The following DPT variants were observed in gnomAD, a reference collection of about 807,000 sequenced individuals.
DPT encodes dermatopontin.
DPT carries 21 observed loss-of-function variants against 31.2 expected under a neutral mutation model. That is an observed-to-expected ratio of 0.67 (90% CI 0.48 to 0.97). DPT has a LOEUF of 0.97. DPT is among the 50% of genes least tolerant of loss of function. The probability of loss-of-function intolerance (pLI) is 0.00; values close to 1 mark genes in which losing one functional copy is unlikely to be tolerated. For synonymous variants in DPT, 91 were observed against 86.9 expected, an observed-to-expected ratio of 1.05 and a Z score of -0.26; for missense variants, 262 against 258.8, an observed-to-expected ratio of 1.01 and a Z score of -0.08.
chr1:168,712,511 C>G (rs1272420885), intron 2 of DPT, among the ~76,000 whole-genome samples: 1 of 152,166 alleles, frequency 6.6e-6, no homozygotes, highest in African/African-American at 2.4e-5. Context: ...TACATTTTAA[C>G]TGGCTTTTAA....
At chr1:168,723,450 T>C (rs1650166862) in intron 1 of DPT, among the ~76,000 whole-genome samples, 1 of 152,234 alleles carries the variant, frequency 6.6e-6, no homozygotes, top group South Asian at 2.1e-4. Flanking sequence ...AATAAGCATT[T>C]GGTAGTGAAT....
chr1:168,715,790 C>G (rs1212926969), intron 1 of DPT, among the ~76,000 whole-genome samples: 2 of 152,188 alleles, frequency 1.3e-5, no homozygotes, highest in African/African-American at 4.8e-5. Flanking sequence ...AGCATGAGCT[C>G]TTTCACAAAC....
intron 2 of DPT, among the ~76,000 whole-genome samples, chr1:168,701,812 A>C (rs1286597839): frequency 1.3e-5 from 2 of 152,242 alleles, no homozygotes; most frequent in Non-Finnish European, 2.9e-5. Flanking sequence ...GCCTGGGGAA[A>C]GTCAATGAAT....
chr1:168,726,873 C>T (rs1157568373), intron 1 of DPT, among the ~76,000 whole-genome samples: 1 of 152,250 alleles, frequency 6.6e-6, no homozygotes. Context: ...TAAATCTGCT[C>T]ACCAGAGGCC....
chr1:168,719,132 G>A (rs2101909773), intron 1 of DPT, among the ~76,000 whole-genome samples: 1 of 152,310 alleles, frequency 6.6e-6, no homozygotes, highest in Non-Finnish European at 1.5e-5. Flanking sequence ...ATTGGAGGCA[G>A]AATTGACTTT....
intron 1 of DPT, among the ~76,000 whole-genome samples, chr1:168,722,885 A>C (rs1188431932): frequency 1.4e-5 from 2 of 147,510 alleles, no homozygotes; most frequent in East Asian, 4.2e-4. Flanking sequence ...CACACACACG[A>C]TATCTTAACT....
intron 1 of DPT, among the ~76,000 whole-genome samples, chr1:168,717,635 C>T (rs567216560): frequency 3.4e-4 from 52 of 152,188 alleles, no homozygotes; most frequent in Non-Finnish European, 5.9e-5. Context: ...TTTGTCCATG[C>T]CTGTGTCCTG....
chr1:168,726,570 A>G (rs1015453565), intron 1 of DPT, among the ~76,000 whole-genome samples: 2 of 152,224 alleles, frequency 1.3e-5, no homozygotes, highest in African/African-American at 4.8e-5. Context: ...ACAAGTCATT[A>G]GAACCAGGAT....
At chr1:168,721,425 A>G (rs962073815) in intron 1 of DPT, among the ~76,000 whole-genome samples, 1 of 152,228 alleles carries the variant, frequency 6.6e-6, no homozygotes, top group East Asian at 1.9e-4. Flanking sequence ...GGGAAGTCAT[A>G]GTTATTACTA....
intron 3 of DPT, among the ~76,000 whole-genome samples, chr1:168,697,752 C>A (rs1211447011): frequency 2.6e-5 from 4 of 152,134 alleles, no homozygotes; most frequent in African/African-American, 4.8e-5. Context: ...ATCCTCACAA[C>A]GATTCATTGT....
intron 3 of DPT, 53 bp downstream of exon 3, chr1:168,700,964 T>G: frequency 8.1e-7 from 1 of 1,231,898 alleles, no homozygotes; most frequent in Non-Finnish European, 1.2e-6. Flanking sequence ...TTGCAGGGAG[T>G]TAGTCCCAAC....
intron 2 of DPT, among the ~76,000 whole-genome samples, chr1:168,706,734 G>A (rs560968909): frequency 6.6e-6 from 1 of 152,162 alleles, no homozygotes; most frequent in African/African-American, 2.4e-5. Flanking sequence ...ACAACACGAG[G>A]GAATAACAGT....
rs946774440 is a variant in DPT, at chr1:168,711,049, C to T, written c.431+3172G>A. On this transcript the variant is annotated intron_variant, in intron 2 of 3. Coordinates refer to ENST00000367817, the MANE Select transcript of DPT (RefSeq NM_001937.5). The stretch of plus-strand genomic sequence containing the variant: ...TTTTTGAGTCAGAGTCTTGCTCTGT[C>T]GCCCAGGCTGGAGTGCAGTGGCGTG... Among the ~76,000 whole-genome samples the T allele has an allele frequency of 4.7e-5, 7 of 150,114 alleles. No homozygotes were observed. In the East Asian group the frequency reaches 1.2e-3, roughly 25 times the overall value.
At chr1:168,725,809 G>A (rs11804204) in intron 1 of DPT, among the ~76,000 whole-genome samples, 20,240 of 152,214 alleles carry the variant, frequency 0.13, 1,540 homozygotes, top group African/African-American at 0.18. Context: ...CTATTGTCAA[G>A]CCTATATTCG....
intron 2 of DPT, among the ~76,000 whole-genome samples, chr1:168,709,759 G>A (rs971164137): frequency 2.6e-5 from 4 of 152,168 alleles, no homozygotes; most frequent in African/African-American, 7.2e-5. Context: ...CCAGTTCCCT[G>A]GGAGGTAATT....
At chr1:168,709,538 C>CCCA (rs1649802202) in intron 2 of DPT, among the ~76,000 whole-genome samples, 2 of 152,136 alleles carry the variant, frequency 1.3e-5, no homozygotes, top group Admixed American at 6.5e-5. Context: ...CACCTTGGTT[C>CCCA]CCACCAAACA....
chr1:168,698,928 C>T (rs1649525053), intron 3 of DPT, among the ~76,000 whole-genome samples: 1 of 152,144 alleles, frequency 6.6e-6, no homozygotes, highest in Non-Finnish European at 1.5e-5. Flanking sequence ...TTTTTGATGA[C>T]AGTAGCAAAG....
chr1:168,702,979 A>T (rs531156219), intron 2 of DPT, among the ~76,000 whole-genome samples: 2 of 152,314 alleles, frequency 1.3e-5, no homozygotes, highest in Non-Finnish European at 2.9e-5. Flanking sequence ...GATCCATGAG[A>T]ATTCTAACAA....
At position 168,710,376 on chromosome 1, in the gene DPT, T is replaced by A. The variant is rs187656494; in HGVS notation, c.431+3845A>T. On this transcript the variant is annotated intron_variant, in intron 2 of 3. Transcript: ENST00000367817. ...GACTTGTCATGCCTTTTGGATTAAT[T>A]CTCTGTACTTTCCCCACCTTTTGGC... Among the ~76,000 whole-genome samples, 15 of 152,332 alleles carry A rather than the reference T, an allele frequency of 9.8e-5. No homozygotes were observed. The East Asian group carries it at 2.7e-3, about 27-fold the overall frequency.
Sources: allele counts gnomAD v4.1 joint callset (sites outside exome capture counted in the v4.1 genomes callset), GRCh38; gene constraint gnomAD v4.1.1; transcripts MANE v1.5; gene names NCBI Gene and HGNC (gene_info 2026-07-23, HGNC 2026-07-21).